The following WNK1 variants were observed in gnomAD, a reference collection of about 807,000 sequenced individuals.
WNK1 encodes serine/threonine-protein kinase WNK1.
A neutral mutation model predicts 222.8 loss-of-function variants in WNK1; 38 were observed. The ratio of observed to expected loss-of-function variants is 0.17; its 90% CI spans 0.13 to 0.22. The LOEUF (loss-of-function observed/expected upper bound fraction) is 0.22. WNK1 is among the 10% of genes least tolerant of loss of function. The probability of loss-of-function intolerance (pLI) is 1.00; values close to 1 mark genes in which losing one functional copy is unlikely to be tolerated. For synonymous variants in WNK1, 1,090 were observed against 1,092.9 expected (o/e 1.00, Z 0.05); for missense variants, 2,348 against 2,918.4 (o/e 0.80, Z 4.50).
chr12:866,877 A>G (rs773790029), intron 8 of WNK1, among the ~76,000 whole-genome samples: 2 of 152,114 alleles, frequency 1.3e-5, no homozygotes, highest in Non-Finnish European at 2.9e-5. Flanking sequence ...TAATCCTAGC[A>G]CTTTGGGAGG....
intron 26 of WNK1, 70 bp downstream of exon 26, chr12:900,740 G>T: frequency 6.3e-7 from 1 of 1,588,664 alleles, no homozygotes; most frequent in East Asian, 2.2e-5. Context: ...ACAAAAGCCT[G>T]TTAAGGCGGG....
At chr12:901,991 C>T (rs1320392854) in intron 26 of WNK1, among the ~76,000 whole-genome samples, 3 of 151,796 alleles carry the variant, frequency 2.0e-5, no homozygotes, top group African/African-American at 7.3e-5. Context: ...GTCTGTCTGC[C>T]CTAGCATTAG....
chr12:769,496 C>CT lies in WNK1; in HGVS notation c.759+15173dup, dbSNP rs1211278616. The stretch of plus-strand genomic sequence containing the variant: ...GGATTACAGGTGTGGGCCACAATGC[C>CT]TAGCCCCTTCTGCATCCTTGTTATT... On this transcript the variant is annotated intron_variant, in intron 1 of 27. Coordinates refer to ENST00000315939, the MANE Select transcript of WNK1 (RefSeq NM_018979.4). 2.0e-5 allele frequency among the ~76,000 whole-genome samples: 3 copies of CT among 152,356 alleles called. No individual in the cohort carries two copies. The East Asian group carries it at 5.8e-4, about 29-fold the overall frequency.
chr12:865,111 CTCG>C (rs1565541687), intron 8 of WNK1: 3 of 1,508,628 alleles, frequency 2.0e-6, no homozygotes, highest in Non-Finnish European at 2.7e-6. Flanking sequence ...TGTGTTGAGC[CTCG>C]TCGTGGCCGT....
At chr12:754,962 T>C (rs1939775186) in intron 1 of WNK1, among the ~76,000 whole-genome samples, 1 of 152,204 alleles carries the variant, frequency 6.6e-6, no homozygotes, top group African/African-American at 2.4e-5. Context: ...GCGAATAGTA[T>C]AGGAGCCCAT....
chr12:863,878 CA>C (rs1951407823), intron 8 of WNK1, among the ~76,000 whole-genome samples: 1 of 151,912 alleles, frequency 6.6e-6, no homozygotes, highest in Non-Finnish European at 1.5e-5. Context: ...AGAGAGAAAT[CA>C]AAACAGGAAT....
chr12:775,273 A>G (rs946573556), intron 1 of WNK1, among the ~76,000 whole-genome samples: 14 of 152,238 alleles, frequency 9.2e-5, no homozygotes, highest in Non-Finnish European at 2.9e-5. Flanking sequence ...AGTAGAGAGT[A>G]AATTAAGACA....
At position 884,305 on chromosome 12, in the gene WNK1, G is replaced by A; in HGVS notation, c.3844+62G>A. 1.2e-6 allele frequency: 2 copies of A among 1,608,560 alleles called. No homozygotes were observed. Among genetic ancestry groups the A allele is most frequent in the Non-Finnish European group, 1.7e-6 (2 of 1,175,996 alleles). On this transcript the variant is annotated intron_variant, in intron 18 of 27. Transcript: ENST00000315939. This position sits in a 1 kb window ranked among gnomAD's most constrained non-coding sequence, Gnocchi z 5.6. ...CTACAGTGCCTCTGCTATGTTGAAAGCTTAATCATAAAGCAGTAATTTATG... is the reference window on the plus strand; with the variant it reads ...CTACAGTGCCTCTGCTATGTTGAAAACTTAATCATAAAGCAGTAATTTATG...
intron 23 of WNK1, among the ~76,000 whole-genome samples, chr12:894,947 A>G (rs1954607801): frequency 6.6e-6 from 1 of 152,050 alleles, no homozygotes; most frequent in African/African-American, 2.4e-5. Context: ...ATTAACTACC[A>G]TTTCTCCTGT....
chr12:864,503 C>A (rs1158716300), intron 8 of WNK1, among the ~76,000 whole-genome samples: 1 of 152,118 alleles, frequency 6.6e-6, no homozygotes, highest in African/African-American at 2.4e-5. Context: ...TTGTGAATTT[C>A]TTCTAGAAAG....
intron 1 of WNK1, among the ~76,000 whole-genome samples, chr12:779,410 C>CTT (rs71439359): frequency 9.4e-6 from 1 of 106,016 alleles, no homozygotes; most frequent in Non-Finnish European, 2.0e-5. Flanking sequence ...TTTTTTTTTT[C>CTT]TTTTTTTTTT....
chr12:767,846 T>C (rs953408136), intron 1 of WNK1, among the ~76,000 whole-genome samples: 2 of 152,182 alleles, frequency 1.3e-5, no homozygotes, highest in Non-Finnish European at 2.9e-5. Context: ...CCTTCCTAAT[T>C]GATAGAGACA....
chr12:906,810 T>C (rs1247206695), intron 26 of WNK1: 1 of 932,522 alleles, frequency 1.1e-6, no homozygotes. Flanking sequence ...GAGGCTGACA[T>C]GGCAGGATTG....
At chr12:816,501 A>G (rs1565470951) in intron 2 of WNK1, among the ~76,000 whole-genome samples, 2 of 151,904 alleles carry the variant, frequency 1.3e-5, no homozygotes, top group Non-Finnish European at 2.9e-5. Flanking sequence ...GCTGCTCTCA[A>G]ACTCCTGAGC....
At chr12:802,244 A>T (rs2153993614) in intron 1 of WNK1, among the ~76,000 whole-genome samples, 2 of 152,316 alleles carry the variant, frequency 1.3e-5, no homozygotes, top group South Asian at 4.1e-4. Context: ...AGGATGCTAA[A>T]ATAGGTAGTA....
chr12:775,546 C>A (rs1316875419), intron 1 of WNK1, among the ~76,000 whole-genome samples: 2 of 150,712 alleles, frequency 1.3e-5, no homozygotes, highest in East Asian at 3.9e-4. Context: ...CTCATCTCTG[C>A]AAAAAAAAAT....
rs201042606 is a variant in WNK1, at chr12:868,842, G to A, written c.2140-2423G>A. On this transcript the variant is annotated intron_variant, in intron 8 of 27. Transcript: ENST00000315939. The stretch of plus-strand genomic sequence containing the variant: ...ACCGTTTCTGTGGTAGAGCCTATCG[G>A]ACAGAACTGGCCAATAGGAAGCCCA... The A allele has an allele frequency of 3.2e-4, 520 of 1,613,900 alleles. No homozygotes were observed. The highest frequency in any genetic ancestry group is 4.2e-4 in the Non-Finnish European group (496 of 1,179,894).
At chr12:851,897 T>A in intron 4 of WNK1, 1 of 921,826 alleles carries the variant, frequency 1.1e-6, no homozygotes, top group South Asian at 1.7e-5. Context: ...TTGAAATTGT[T>A]AACTTGAGAA....
intron 1 of WNK1, among the ~76,000 whole-genome samples, chr12:809,872 A>G (rs563504617): frequency 2.2e-4 from 33 of 152,338 alleles, no homozygotes; most frequent in Middle Eastern, 6.8e-3. Flanking sequence ...CTGGAAAGCA[A>G]TGTTACAAAC....
Sources: gnomAD v4.1 joint callset for allele counts (sites outside exome capture counted in the v4.1 genomes callset) on GRCh38, gnomAD v4.1.1 for gene constraint, Gnocchi (gnomAD v3.1) non-coding constraint, MANE v1.5 for transcripts, NCBI Gene and HGNC (gene_info 2026-07-23, HGNC 2026-07-21) for gene names.